The following GRIK1 variants were observed in gnomAD, a reference collection of about 807,000 sequenced individuals.
GRIK1 encodes glutamate ionotropic receptor kainate type subunit 1.
A neutral mutation model predicts 105.7 loss-of-function variants in GRIK1; 69 were observed. That is an observed-to-expected ratio of 0.65 (90% CI 0.54 to 0.80). GRIK1 has a LOEUF of 0.80. Among genes scored for constraint, GRIK1 ranks in the 30% least tolerant of loss-of-function variants. The pLI, the probability that GRIK1 is intolerant of heterozygous loss-of-function variation, is 0.00. For missense variants in GRIK1, 1,109 were observed against 1,167.3 expected (o/e 0.95, Z 0.73); for synonymous variants, 438 against 431.3 (o/e 1.02, Z -0.19).
At chr21:29,560,400 C>CTTTCTTTCTTTCTTA (rs1601112863) in intron 15 of GRIK1, among the ~76,000 whole-genome samples, 1 of 67,098 alleles carries the variant, frequency 1.5e-5, no homozygotes, top group African/African-American at 9.3e-5. Context: ...TTCCTTCCTT[C>CTTTCTTTCTTTCTTA]CTTTCTTTCT....
At chr21:29,611,845 T>G (rs1428940477) in intron 7 of GRIK1, among the ~76,000 whole-genome samples, 5 of 152,198 alleles carry the variant, frequency 3.3e-5, no homozygotes, top group Non-Finnish European at 7.3e-5. Context: ...GAGAAATAAT[T>G]TAAAAATTTT....
At chr21:29,845,755 A>C (rs953282785) in intron 1 of GRIK1, among the ~76,000 whole-genome samples, 10 of 151,624 alleles carry the variant, frequency 6.6e-5, no homozygotes, top group African/African-American at 2.4e-4. Flanking sequence ...CCCATGTTCC[A>C]TATTGGATCC....
chr21:29,757,393 A>C (rs2065377591), intron 1 of GRIK1, among the ~76,000 whole-genome samples: 1 of 152,216 alleles, frequency 6.6e-6, no homozygotes, highest in Admixed American at 6.5e-5. Context: ...CTAATATTAT[A>C]ATGGCCAACC....
intron 1 of GRIK1, among the ~76,000 whole-genome samples, chr21:29,935,951 C>CAAT (rs1029418264): frequency 6.6e-6 from 1 of 152,088 alleles, no homozygotes; most frequent in Admixed American, 6.6e-5. Flanking sequence ...AACAACATAA[C>CAAT]AATAATAATA....
intron 1 of GRIK1, among the ~76,000 whole-genome samples, chr21:29,768,854 A>G (rs2065741401): frequency 6.6e-6 from 1 of 152,232 alleles, no homozygotes; most frequent in Non-Finnish European, 1.5e-5. Context: ...TTGCAAGTCT[A>G]TTCTTCACAC....
intron 1 of GRIK1, among the ~76,000 whole-genome samples, chr21:29,763,336 A>T (rs565240622): frequency 6.9e-4 from 105 of 151,634 alleles, no homozygotes; most frequent in Non-Finnish European, 1.1e-3. Flanking sequence ...CCCCAGCCAT[A>T]TGAAATTGTG....
chr21:29,610,976 A>G (rs1267697380), intron 7 of GRIK1, among the ~76,000 whole-genome samples: 2 of 152,202 alleles, frequency 1.3e-5, no homozygotes, highest in African/African-American at 4.8e-5. Flanking sequence ...ATGTAAATTA[A>G]TCAGGTCTAA....
chr21:29,913,970 C>A (rs1468995477), intron 1 of GRIK1, among the ~76,000 whole-genome samples: 1 of 151,878 alleles, frequency 6.6e-6, no homozygotes, highest in African/African-American at 2.4e-5. Flanking sequence ...TAAAATAATT[C>A]AAATTTTGTT....
chr21:29,538,431 C>A (rs1003455361), intron 16 of GRIK1, among the ~76,000 whole-genome samples: 2 of 152,072 alleles, frequency 1.3e-5, no homozygotes, highest in African/African-American at 4.8e-5. Context: ...GAAATGGGGG[C>A]AGTTGCTGCT....
chr21:29,846,637 T>C (rs1293085363), intron 1 of GRIK1, among the ~76,000 whole-genome samples: 3 of 152,214 alleles, frequency 2.0e-5, no homozygotes, highest in Non-Finnish European at 4.4e-5. Flanking sequence ...CAAAACTTCA[T>C]AGCAGGACTT....
rs561628967 is a variant in GRIK1, at chr21:29,870,838, C to T, written c.118+68545G>A. On this transcript the variant is annotated intron_variant, in intron 1 of 17. Coordinates refer to ENST00000327783, the MANE Select transcript of GRIK1 (RefSeq NM_001330994.2). ...AATGCTTCTTTGACCTGCCTCCTTC[C>T]ACCCCACTAACAATGGGCTCACGGT... Among the ~76,000 whole-genome samples, 27 of 152,136 alleles carry T rather than the reference C, an allele frequency of 1.8e-4. No individual in the cohort carries two copies. The South Asian group carries it at 5.2e-3, about 29-fold the overall frequency.
intron 4 of GRIK1, among the ~76,000 whole-genome samples, chr21:29,669,498 A>G (rs2063123812): frequency 6.6e-6 from 1 of 152,202 alleles, no homozygotes; most frequent in African/African-American, 2.4e-5. Flanking sequence ...CTGAAAGCCT[A>G]CTTCAGAATA....
chr21:29,665,527 T>C (rs2063042737), intron 4 of GRIK1, among the ~76,000 whole-genome samples: 1 of 152,234 alleles, frequency 6.6e-6, no homozygotes. Flanking sequence ...GCTCAAAGAC[T>C]ATCAAAGGAC....
At chr21:29,818,400 C>A (rs2067210493) in intron 1 of GRIK1, among the ~76,000 whole-genome samples, 1 of 152,012 alleles carries the variant, frequency 6.6e-6, no homozygotes, top group African/African-American at 2.4e-5. Flanking sequence ...GATTCTTAGC[C>A]CTGTCTCCAT....
At chr21:29,705,850 TA>T (rs1394481882) in intron 1 of GRIK1, among the ~76,000 whole-genome samples, 1 of 151,930 alleles carries the variant, frequency 6.6e-6, no homozygotes, top group Non-Finnish European at 1.5e-5. Context: ...GCATTTGCTA[TA>T]TTTTTTTCTT....
intron 1 of GRIK1, among the ~76,000 whole-genome samples, chr21:29,713,956 T>G (rs756464331): frequency 6.6e-6 from 1 of 152,212 alleles, no homozygotes; most frequent in Non-Finnish European, 1.5e-5. Flanking sequence ...CTTTATAGTC[T>G]CAGCAACTGT....
intron 1 of GRIK1, among the ~76,000 whole-genome samples, chr21:29,881,261 G>A (rs1162431181): frequency 6.6e-6 from 1 of 152,054 alleles, no homozygotes; most frequent in East Asian, 1.9e-4. Flanking sequence ...TAATCTGAGT[G>A]CTAGATAGCT....
At chr21:29,782,427 A>C (rs1413569462) in intron 1 of GRIK1, among the ~76,000 whole-genome samples, 1 of 152,190 alleles carries the variant, frequency 6.6e-6, no homozygotes, top group Non-Finnish European at 1.5e-5. Flanking sequence ...TTGCTGAGTC[A>C]TGGAGAAAGT....
intron 16 of GRIK1, among the ~76,000 whole-genome samples, chr21:29,538,167 G>A (rs1568786282): frequency 6.6e-6 from 1 of 151,788 alleles, no homozygotes; most frequent in Admixed American, 6.6e-5. Flanking sequence ...ATAATTTGCT[G>A]TCATTTTTCT....
Sources: allele counts gnomAD v4.1 joint callset (sites outside exome capture counted in the v4.1 genomes callset), GRCh38; gene constraint gnomAD v4.1.1; transcripts MANE v1.5; gene names NCBI Gene and HGNC (gene_info 2026-07-23, HGNC 2026-07-21).